KLHL7: variants seen among roughly 807,000 people sequenced by gnomAD.
KLHL7 encodes kelch like family member 7, also known as kelch-like protein 7.
Under a neutral mutation model 67.4 loss-of-function variants are expected in KLHL7, and 44 were observed. The observed-to-expected ratio is 0.65, with a 90% CI of 0.51 to 0.84. The LOEUF is 0.84. Ranked by LOEUF, KLHL7 falls within the 40% of genes least tolerant of loss-of-function variation. The pLI, the probability that KLHL7 is intolerant of heterozygous loss-of-function variation, is 0.00. For missense variants in KLHL7, 362 were observed against 718.1 expected (o/e 0.50, Z 5.67); for synonymous variants, 252 against 243.3 (o/e 1.04, Z -0.33).
rs770912203 is a variant in KLHL7 at position 23,125,180 on chromosome 7, A to G, written c.442+8A>G. The G allele has an allele frequency of 6.2e-7, 1 of 1,612,654 alleles. No homozygotes were observed. The highest frequency in any genetic ancestry group is 1.1e-5 in the South Asian group (1 of 90,942). On this transcript the variant is annotated splice_region_variant and intron_variant, in intron 4 of 10. Coordinates refer to ENST00000339077, the MANE Select transcript of KLHL7 (RefSeq NM_001031710.3). ...ATGCTTCAAATTGTCTTGGTAAGAA[A>G]TATCAGATTCCTGTTGTGTGTTTAT...
intron 8 of KLHL7, among the ~76,000 whole-genome samples, chr7:23,166,666 T>A (rs996912819): frequency 2.0e-5 from 3 of 152,206 alleles, no homozygotes; most frequent in African/African-American, 7.2e-5. Context: ...ATATGTCAAA[T>A]GAATACAAGA....
chr7:23,167,537 A>G (rs982066227), intron 8 of KLHL7, among the ~76,000 whole-genome samples: 9 of 152,302 alleles, frequency 5.9e-5, no homozygotes, highest in African/African-American at 1.7e-4. Context: ...GCTTGAAGAC[A>G]TATATAAGGC....
intron 1 of KLHL7, among the ~76,000 whole-genome samples, chr7:23,115,234 C>G (rs1206268577): frequency 1.3e-5 from 2 of 152,212 alleles, no homozygotes; most frequent in African/African-American, 4.8e-5. Flanking sequence ...AAGAAGATCT[C>G]TCATCTCTGT....
In KLHL7 at chr7:23,105,882, C is replaced by T. The variant is rs545540476; in HGVS notation, c.-145C>T. 1,203 of 1,304,162 alleles carry T rather than the reference C, an allele frequency of 9.2e-4. 1 individual carries two copies. Among genetic ancestry groups the T allele is most frequent in the Non-Finnish European group, 1.2e-3 (1,117 of 940,466 alleles). The allele number at this position is 1,304,162 out of a possible 1,614,324, so 80.8% of individuals were successfully genotyped here. A position where few individuals can be genotyped will look rare whatever the true frequency, so the allele number is the denominator to read the frequency against. ...TGTCTTTCGGCAGTGGCCGAGCCAC[C>T]GCCGCCTGCCGCGCGTTCCAGAGCT... On this transcript the variant is annotated 5_prime_UTR_variant, in exon 1 of 11. Coordinates refer to ENST00000339077, the MANE Select transcript of KLHL7 (RefSeq NM_001031710.3).
chr7:23,111,820 CAAAAAAAAAA>C (rs895981894), intron 1 of KLHL7, among the ~76,000 whole-genome samples: 4 of 23,234 alleles, frequency 1.7e-4, no homozygotes, highest in Admixed American at 5.0e-4. Flanking sequence ...GACTCCGTCT[CAAAAAAAAAA>C]AAAAAAAAAA....
At chr7:23,169,590 A>G (rs1310434018) in intron 9 of KLHL7, among the ~76,000 whole-genome samples, 1 of 152,168 alleles carries the variant, frequency 6.6e-6, no homozygotes, top group Non-Finnish European at 1.5e-5. Context: ...AGCCATAACC[A>G]TAAAAACTCT....
chr7:23,117,754 A>T, intron 1 of KLHL7: 1 of 1,296,634 alleles, frequency 7.7e-7, no homozygotes, highest in Non-Finnish European at 1.1e-6. Flanking sequence ...TTATTGCTTT[A>T]TTGAAGCTTT....
At chr7:23,173,647 T>C (rs927607017) in intron 10 of KLHL7, among the ~76,000 whole-genome samples, 6 of 152,180 alleles carry the variant, frequency 3.9e-5, no homozygotes, top group Non-Finnish European at 8.8e-5. Flanking sequence ...TCTGTCCCTG[T>C]CCATTGCTAT....
At chr7:23,134,524 G>T (rs973032818) in intron 4 of KLHL7, among the ~76,000 whole-genome samples, 7 of 152,128 alleles carry the variant, frequency 4.6e-5, no homozygotes, top group Non-Finnish European at 8.8e-5. Flanking sequence ...GTTTGAGTAG[G>T]ATTGGTATTA....
chr7:23,140,591 A>C, intron 4 of KLHL7, 178 bp from the exon 5 acceptor site: 2 of 672,508 alleles, frequency 3.0e-6, no homozygotes, highest in South Asian at 3.3e-5. Context: ...AAAAAAAACC[A>C]GTCTTTTATA....
chr7:23,114,361 G>A (rs1324315694), intron 1 of KLHL7, among the ~76,000 whole-genome samples: 1 of 152,210 alleles, frequency 6.6e-6, no homozygotes, highest in Non-Finnish European at 1.5e-5. Flanking sequence ...TATGAGAGAA[G>A]CACTGCATAT....
At chr7:23,139,100 A>AAC (rs1554288717) in intron 4 of KLHL7, among the ~76,000 whole-genome samples, 1 of 151,802 alleles carries the variant, frequency 6.6e-6, no homozygotes, top group Non-Finnish European at 1.5e-5. Flanking sequence ...AAAAAAAAAA[A>AAC]AAAACAAGAA....
chr7:23,157,252 G>A (rs540501843), intron 7 of KLHL7, among the ~76,000 whole-genome samples: 233 of 152,354 alleles, frequency 1.5e-3, no homozygotes, highest in Non-Finnish European at 2.9e-3. Flanking sequence ...AAGTAAAAAT[G>A]TGAACACTGC....
chr7:23,136,704 C>T (rs995402436), intron 4 of KLHL7, among the ~76,000 whole-genome samples: 6 of 152,164 alleles, frequency 3.9e-5, no homozygotes, highest in Non-Finnish European at 7.3e-5. Flanking sequence ...CAGCTTTTCT[C>T]TCCCACCCCA....
chr7:23,160,362 G>A (rs1784824251), intron 7 of KLHL7, among the ~76,000 whole-genome samples: 1 of 152,182 alleles, frequency 6.6e-6, no homozygotes, highest in African/African-American at 2.4e-5. Context: ...ACTTCAGACT[G>A]AGTTTTATTT....
At chr7:23,127,288 G>A (rs1460794001) in intron 4 of KLHL7, among the ~76,000 whole-genome samples, 1 of 152,110 alleles carries the variant, frequency 6.6e-6, no homozygotes, top group Non-Finnish European at 1.5e-5. Context: ...TTAGGCTTTG[G>A]GCTTCTGAGG....
intron 7 of KLHL7, among the ~76,000 whole-genome samples, chr7:23,153,224 C>CGGG (rs200336895): frequency 6.7e-4 from 7 of 10,452 alleles, no homozygotes; most frequent in African/African-American, 1.6e-3. Flanking sequence ...CCTGAGGCGG[C>CGGG]GGGGGGGCTA....
At position 23,143,916 on chromosome 7, in the gene KLHL7, T is replaced by C. The variant is rs1215115376; in HGVS notation, c.684T>C (p.Asp228=). Residue 228 remains aspartate, a synonymous_variant, in exon 6 of 11, where the codon GAT becomes GAC. Coordinates refer to ENST00000339077, the MANE Select transcript of KLHL7 (RefSeq NM_001031710.3). ...CTAATCGCCAGCCATTTATGGTTGA[T>C]ATCCTTGCTAAAGTCAGGTTTCCTC... ...DEPNRQPFMV[D]ILAKVRFPLI... 8 of 1,614,038 alleles carry C rather than the reference T, an allele frequency of 5.0e-6. No homozygotes were observed. Among genetic ancestry groups the C allele is most frequent in the Non-Finnish European group, 6.8e-6 (8 of 1,179,994 alleles).
At chr7:23,116,910 A>T (rs1228329725) in intron 1 of KLHL7, among the ~76,000 whole-genome samples, 1 of 152,112 alleles carries the variant, frequency 6.6e-6, no homozygotes, top group East Asian at 1.9e-4. Flanking sequence ...CACCTTGAAA[A>T]TTACTTAATA....
Sources: allele counts gnomAD v4.1 joint callset (sites outside exome capture counted in the v4.1 genomes callset), GRCh38; gene constraint gnomAD v4.1.1; transcripts MANE v1.5; gene names NCBI Gene and HGNC (gene_info 2026-07-23, HGNC 2026-07-21).